Variants in RYR3 observed in about 807,000 individuals in gnomAD.
RYR3 encodes brain ryanodine receptor-calcium release channel.
In RYR3, 207 loss-of-function variants were observed where a neutral mutation model predicts 584.3. The observed-to-expected ratio is 0.35, with a 90% CI of 0.32 to 0.40. The LOEUF is 0.40. Ranked by LOEUF, RYR3 falls within the 10% of genes least tolerant of loss-of-function variation. The pLI is 1.00. For missense variants in RYR3, 5,616 were observed against 6,089.2 expected (o/e 0.92, Z 2.59); for synonymous variants, 2,416 against 2,248.5 (o/e 1.07, Z -2.11).
chr15:33,718,200 G>A (rs937850354), intron 43 of RYR3, among the ~76,000 whole-genome samples: 4 of 152,044 alleles, frequency 2.6e-5, no homozygotes, highest in Admixed American at 2.0e-4. Flanking sequence ...TTTTCTTTAG[G>A]ACTAATTGAA....
chr15:33,865,108 A>AC lies in RYR3; in HGVS notation c.14518-20dup. On this transcript the variant is annotated intron_variant, in intron 103 of 103. Transcript: ENST00000634891. Reference sequence around the variant, plus strand: ...CTTTTACTGTGGTTTAAAAATAAGCACCCGTTGTTCATATTATTTCAGGAA... The same window carrying AC: ...CTTTTACTGTGGTTTAAAAATAAGCACCCCGTTGTTCATATTATTTCAGGAA... 6 of 1,573,042 alleles carry AC rather than the reference A, an allele frequency of 3.8e-6. No individual in the cohort carries two copies. In the East Asian group the frequency reaches 1.3e-4, roughly 35 times the overall value.
chr15:33,743,953 G>T (rs995969486), intron 52 of RYR3, among the ~76,000 whole-genome samples: 4 of 152,102 alleles, frequency 2.6e-5, no homozygotes, highest in African/African-American at 9.7e-5. Flanking sequence ...CAAAATCTTT[G>T]GTATGGCCTG....
At chr15:33,742,534 G>GTCTAAGTA (rs2070253684) in intron 52 of RYR3, 90 bp downstream of exon 52, 1 of 854,970 alleles carries the variant, frequency 1.2e-6, no homozygotes, top group Non-Finnish European at 2.0e-6. Flanking sequence ...TGCCTGATTT[G>GTCTAAGTA]TCTAAGTAAC....
At chr15:33,770,095 T>C (rs1596509406) in intron 62 of RYR3, among the ~76,000 whole-genome samples, 1 of 149,442 alleles carries the variant, frequency 6.7e-6, no homozygotes, top group African/African-American at 2.5e-5. Flanking sequence ...AAGACCAGCC[T>C]GAATAATGTA....
intron 67 of RYR3, among the ~76,000 whole-genome samples, chr15:33,799,311 G>C (rs1328810279): frequency 6.6e-6 from 1 of 152,092 alleles, no homozygotes; most frequent in Non-Finnish European, 1.5e-5. Flanking sequence ...GCAATTAGAG[G>C]GTTGGGACTT....
chr15:33,432,359 G>A (rs926029065), intron 1 of RYR3, among the ~76,000 whole-genome samples: 1 of 152,034 alleles, frequency 6.6e-6, no homozygotes, highest in African/African-American at 2.4e-5. Flanking sequence ...TTTCAAAACA[G>A]TACACCTATG....
intron 1 of RYR3, among the ~76,000 whole-genome samples, chr15:33,349,967 G>C (rs1337596088): frequency 6.6e-6 from 1 of 151,664 alleles, no homozygotes; most frequent in East Asian, 1.9e-4. Context: ...GTGTATATGT[G>C]CCACATTTTC....
chr15:33,813,046 A>G, intron 73 of RYR3, 52 bp downstream of exon 73: 2 of 1,607,776 alleles, frequency 1.2e-6, no homozygotes, highest in Non-Finnish European at 1.7e-6. Flanking sequence ...CCTGGACCAT[A>G]CAAAGCTCCC....
chr15:33,748,030 G>T, intron 53 of RYR3, 84 bp from the exon 54 acceptor site: 1 of 1,324,926 alleles, frequency 7.5e-7, no homozygotes, highest in Non-Finnish European at 1.1e-6. Context: ...CACCCACAGT[G>T]GGATGCACCT....
intron 1 of RYR3, among the ~76,000 whole-genome samples, chr15:33,376,671 G>A (rs753856027): frequency 4.6e-5 from 7 of 152,166 alleles, no homozygotes; most frequent in Admixed American, 6.5e-5. Flanking sequence ...TGGGGAACCC[G>A]GGTAGTACTC....
chr15:33,613,183 G>C lies in RYR3; in HGVS notation c.2165G>C (p.Gly722Ala), dbSNP rs762645686. ...CTTCTTCCTGTTCTTTCCTCACCAGGCCGGATACCCAGAGCTGTGGCTTCC... is the reference window on the plus strand; with the variant it reads ...CTTCTTCCTGTTCTTTCCTCACCAGCCCGGATACCCAGAGCTGTGGCTTCC... ...YGFDGLHLWSGRIPRAVASIN... is the reference protein window; with the variant it reads ...YGFDGLHLWSARIPRAVASIN... Residue 722 changes from glycine (G) to alanine (A), a missense_variant and splice_region_variant, in exon 19 of 104, where the codon GGC (glycine) becomes GCC (alanine). By Grantham distance (60) the Gly-to-Ala change is moderately conservative. Transcript: ENST00000634891. The C allele has an allele frequency of 1.6e-5, 26 of 1,612,732 alleles. No homozygotes were observed. Among genetic ancestry groups the C allele is most frequent in the Non-Finnish European group, 1.2e-5 (14 of 1,179,218 alleles).
intron 94 of RYR3, 93 bp from the exon 95 acceptor site, chr15:33,852,952 T>A (rs2079258086): frequency 9.2e-7 from 1 of 1,086,600 alleles, no homozygotes; most frequent in Non-Finnish European, 1.4e-6. Context: ...ACCAGAAAGA[T>A]CCCAGATCCA....
At chr15:33,521,843 G>A (rs986391709) in intron 3 of RYR3, among the ~76,000 whole-genome samples, 4 of 152,156 alleles carry the variant, frequency 2.6e-5, no homozygotes, top group African/African-American at 9.7e-5. Context: ...ATTTGGTCCT[G>A]TCTTTTTAGT....
At chr15:33,427,761 T>C (rs1035490723) in intron 1 of RYR3, among the ~76,000 whole-genome samples, 1 of 152,150 alleles carries the variant, frequency 6.6e-6, no homozygotes. Context: ...CAGGTTGAGA[T>C]TGGTGAATAT....
chr15:33,599,951 T>G (rs573848035), intron 16 of RYR3, among the ~76,000 whole-genome samples: 21 of 152,308 alleles, frequency 1.4e-4, no homozygotes, highest in African/African-American at 4.3e-4. Context: ...CCTCTGGCTG[T>G]GACAGCAAGT....
intron 4 of RYR3, among the ~76,000 whole-genome samples, chr15:33,531,699 G>T (rs1009053722): frequency 6.6e-6 from 1 of 151,178 alleles, no homozygotes; most frequent in African/African-American, 2.4e-5. Flanking sequence ...CTGAACATTC[G>T]TCTGCTGTAG....
At position 33,734,619 on chromosome 15, in the gene RYR3, T is replaced by C. The variant is rs543220582; in HGVS notation, c.7425-1616T>C. ...GCTGTTTCCTAATAACAAAGTCGCA[T>C]TGGTGAGACTGATTTGAGCTGCAAA... is the stretch of plus-strand genomic sequence containing the variant. On this transcript the variant is annotated intron_variant, in intron 48 of 103. Transcript: ENST00000634891. 4.6e-5 allele frequency among the ~76,000 whole-genome samples: 7 copies of C among 152,154 alleles called. No homozygotes were observed. The East Asian group carries it at 1.2e-3, about 25-fold the overall frequency.
rs750424423 is a variant in RYR3, at chr15:33,662,565, C to T, written c.5035C>T (p.His1679Tyr). The T allele has an allele frequency of 1.9e-6, 3 of 1,613,872 alleles. No individual in the cohort carries two copies. The African/African-American group carries it at 4.0e-5, about 22-fold the overall frequency. ...TPCFVVTGED[H>Y]QKQSPEIPLE... is the part of the protein sequence containing the mutation. ...TTGCTTTGTTGTGACTGGTGAGGAT[C>T]ACCAAAAGCAGAGCCCCGAGATTCC... Residue 1679 changes from histidine (H) to tyrosine (Y), a missense_variant, in exon 35 of 104, where the codon CAC becomes TAC. His to Tyr is a moderately conservative substitution (Grantham distance 83). This residue lies in a region of RYR3 where 753 missense variants were observed against 741.0 expected (regional missense o/e 1.02). Coordinates refer to ENST00000634891, the MANE Select transcript of RYR3 (RefSeq NM_001036.6).
intron 1 of RYR3, among the ~76,000 whole-genome samples, chr15:33,345,697 G>T (rs1161624752): frequency 2.0e-5 from 3 of 152,140 alleles, no homozygotes; most frequent in Non-Finnish European, 4.4e-5. Flanking sequence ...GCTCTCCACT[G>T]AATTCCCAGC....
Sources: allele counts gnomAD v4.1 joint callset (sites outside exome capture counted in the v4.1 genomes callset), GRCh38; gene constraint gnomAD v4.1.1; regional missense constraint gnomAD v4.1.1; transcripts MANE v1.5; gene names NCBI Gene and HGNC (gene_info 2026-07-23, HGNC 2026-07-21).